PPFIA2: variants seen among roughly 807,000 people sequenced by gnomAD.
The protein encoded by PPFIA2 is PPFI scaffold protein A2.
A neutral mutation model predicts 175.5 loss-of-function variants in PPFIA2; 46 were observed. That is an observed-to-expected ratio of 0.26 (90% CI 0.21 to 0.34). The LOEUF is 0.34. Among genes scored for constraint, PPFIA2 ranks in the 10% least tolerant of loss-of-function variants. The pLI, the probability that PPFIA2 is intolerant of heterozygous loss-of-function variation, is 1.00. For missense variants in PPFIA2, 1,179 were observed against 1,506.1 expected, an observed-to-expected ratio of 0.78 and a Z score of 3.60; for synonymous variants, 568 against 511.4, an observed-to-expected ratio of 1.11 and a Z score of -1.49.
intron 17 of PPFIA2, among the ~76,000 whole-genome samples, chr12:81,352,018 A>AT (rs1353038037): frequency 1.3e-5 from 2 of 152,046 alleles, no homozygotes; most frequent in African/African-American, 2.4e-5. Context: ...ATTAACTTTT[A>AT]TTTTTTCTCA....
intron 4 of PPFIA2, among the ~76,000 whole-genome samples, chr12:81,577,993 T>G (rs1053155207): frequency 6.6e-6 from 1 of 151,628 alleles, no homozygotes; most frequent in Admixed American, 6.6e-5. Context: ...TCTGGAATCT[T>G]TCTATTACGA....
intron 2 of PPFIA2, among the ~76,000 whole-genome samples, chr12:81,757,717 C>CT (rs1419050630): frequency 6.6e-6 from 1 of 152,192 alleles, no homozygotes; most frequent in Non-Finnish European, 1.5e-5. Flanking sequence ...CAATGTGTTC[C>CT]TTAACAATAT....
intron 4 of PPFIA2, among the ~76,000 whole-genome samples, chr12:81,539,838 T>G (rs896571349): frequency 1.3e-5 from 2 of 152,052 alleles, no homozygotes; most frequent in African/African-American, 2.4e-5. Context: ...ACACTCTATA[T>G]TTCTTATTTT....
At chr12:81,745,758 T>C (rs1214457971) in intron 3 of PPFIA2, among the ~76,000 whole-genome samples, 1 of 152,166 alleles carries the variant, frequency 6.6e-6, no homozygotes, top group Non-Finnish European at 1.5e-5. Flanking sequence ...AACTCCTTCA[T>C]CTGCTATATG....
intron 10 of PPFIA2, among the ~76,000 whole-genome samples, chr12:81,375,558 C>T (rs2036168824): frequency 6.6e-6 from 1 of 152,098 alleles, no homozygotes. Context: ...GATTCTGGCT[C>T]ATGCCTATAT....
At chr12:81,559,319 CAT>C (rs376823894) in intron 4 of PPFIA2, among the ~76,000 whole-genome samples, 129 of 152,270 alleles carry the variant, frequency 8.5e-4, no homozygotes, top group Non-Finnish European at 1.6e-3. Flanking sequence ...CATGCACGTG[CAT>C]GTGTGTGTGT....
intron 3 of PPFIA2, among the ~76,000 whole-genome samples, chr12:81,739,574 A>T (rs2082080697): frequency 6.6e-6 from 1 of 152,004 alleles, no homozygotes; most frequent in African/African-American, 2.4e-5. Context: ...TCAATTACCA[A>T]TTTTTTAAAA....
Position 81,405,839 on chromosome 12 carries a change from G to A in PPFIA2, c.710C>T (p.Thr237Ile), listed in dbSNP as rs1272270184. The change falls in exon 8 of 33, where the codon ACA becomes ATA. Residue 237 changes from threonine (T) to isoleucine (I), a missense_variant. Thr to Ile is a moderately conservative substitution (Grantham distance 89, BLOSUM62 -1). Coordinates refer to ENST00000549396, the MANE Select transcript of PPFIA2 (RefSeq NM_003625.5). Reference protein sequence around the residue: ...QRKMASSEGSTESEHLEGMEP... With the variant: ...QRKMASSEGSIESEHLEGMEP... ...CATCCCTTCAAGATGTTCTGACTCT[G>A]TGGATCCCTCGCTTGATGCCATTTT... 6.3e-7 allele frequency: 1 copy of A among 1,582,572 alleles called. No individual in the cohort carries two copies. The highest frequency in any genetic ancestry group is 1.2e-5 in the South Asian group (1 of 86,440).
chr12:81,530,616 T>C (rs948367636), intron 4 of PPFIA2, among the ~76,000 whole-genome samples: 1 of 151,878 alleles, frequency 6.6e-6, no homozygotes, highest in Non-Finnish European at 1.5e-5. Flanking sequence ...TGTCCACAGC[T>C]ATTCAACTCC....
chr12:81,289,540 A>G (rs1204867289), intron 24 of PPFIA2, among the ~76,000 whole-genome samples: 1 of 151,884 alleles, frequency 6.6e-6, no homozygotes, highest in Non-Finnish European at 1.5e-5. Flanking sequence ...TGAATGAAAC[A>G]CACTATCAAT....
chr12:81,575,624 T>A lies in PPFIA2; in HGVS notation c.303+101167A>T, dbSNP rs942586207. On this transcript the variant is annotated intron_variant, in intron 4 of 32. Coordinates refer to ENST00000549396, the MANE Select transcript of PPFIA2 (RefSeq NM_003625.5). ...TCAAAAAGAGAAAAAACAATATATA[T>A]AAATGTATAATTATATACTGAGATA... Among the ~76,000 whole-genome samples the A allele has an allele frequency of 2.6e-5, 4 of 151,710 alleles. No homozygotes were observed. The East Asian group carries it at 7.8e-4, about 29-fold the overall frequency.
intron 22 of PPFIA2, among the ~76,000 whole-genome samples, chr12:81,317,510 A>AC (rs1555256698): frequency 1.3e-5 from 2 of 150,930 alleles, no homozygotes; most frequent in African/African-American, 2.4e-5. Flanking sequence ...GATTTGAGAG[A>AC]TTTTTTTTAA....
At chr12:81,462,276 T>C (rs1329661469) in intron 4 of PPFIA2, among the ~76,000 whole-genome samples, 2 of 129,238 alleles carry the variant, frequency 1.5e-5, no homozygotes, top group Non-Finnish European at 3.1e-5. Context: ...TATATATATA[T>C]GTTAGAAAAC....
At chr12:81,629,143 G>C (rs886142954) in intron 4 of PPFIA2, among the ~76,000 whole-genome samples, 1 of 152,030 alleles carries the variant, frequency 6.6e-6, no homozygotes, top group Admixed American at 6.5e-5. Flanking sequence ...CTTTGAAAAT[G>C]TTTATGTAAC....
At chr12:81,565,451 CT>C (rs2071087463) in intron 4 of PPFIA2, among the ~76,000 whole-genome samples, 2 of 152,116 alleles carry the variant, frequency 1.3e-5, no homozygotes, top group South Asian at 4.1e-4. Flanking sequence ...ATTGTGGGAC[CT>C]TGTGATCATG....
chr12:81,644,716 G>A (rs2065817076), intron 4 of PPFIA2, among the ~76,000 whole-genome samples: 1 of 151,930 alleles, frequency 6.6e-6, no homozygotes, highest in Non-Finnish European at 1.5e-5. Context: ...TTCCCACAAG[G>A]TGGTGCTCTT....
chr12:81,692,386 G>T (rs1209609317), intron 3 of PPFIA2, among the ~76,000 whole-genome samples: 2 of 152,008 alleles, frequency 1.3e-5, no homozygotes, highest in African/African-American at 4.8e-5. Context: ...CCTACCCACA[G>T]ATATTATGAA....
In PPFIA2 at chr12:81,718,942, T is replaced by C. The variant is rs543942173; in HGVS notation, c.249+35031A>G. On this transcript the variant is annotated intron_variant, in intron 3 of 32. Transcript: ENST00000549396. ...TCAAGCAAGTGAGCTGTATTTTCTT[T>C]ACATGCAGTGGTCAGCTACTGCCAA... 8.6e-5 allele frequency among the ~76,000 whole-genome samples: 13 copies of C among 151,750 alleles called. No individual in the cohort carries two copies. The South Asian group carries it at 2.7e-3, about 31-fold the overall frequency.
At chr12:81,672,217 G>A (rs1424829817) in intron 4 of PPFIA2, among the ~76,000 whole-genome samples, 11 of 151,924 alleles carry the variant, frequency 7.2e-5, no homozygotes, top group Admixed American at 3.9e-4. Flanking sequence ...ATTAGGACAC[G>A]ATTCAGATTA....
Sources: allele counts gnomAD v4.1 joint callset (sites outside exome capture counted in the v4.1 genomes callset), GRCh38; gene constraint gnomAD v4.1.1; transcripts MANE v1.5; gene names NCBI Gene and HGNC (gene_info 2026-07-23, HGNC 2026-07-21).